The following PID1 variants were observed in gnomAD, a reference collection of about 807,000 sequenced individuals.
PID1 encodes PTB-containing, cubilin and LRP1-interacting protein.
Under a neutral mutation model 19.1 loss-of-function variants are expected in PID1, and 10 were observed. The observed-to-expected ratio is 0.52, with a 90% CI of 0.32 to 0.89. The LOEUF is 0.89. Among genes scored for constraint, PID1 ranks in the 40% least tolerant of loss-of-function variants. PID1 has a pLI of 0.03. For synonymous variants in PID1, 130 were observed against 116.0 expected (o/e 1.12, Z -0.78); for missense variants, 248 against 285.3 (o/e 0.87, Z 0.94).
chr2:229,133,426 A>G (rs1243550357), intron 2 of PID1, among the ~76,000 whole-genome samples: 2 of 152,196 alleles, frequency 1.3e-5, no homozygotes, highest in East Asian at 3.9e-4. Flanking sequence ...CACCTTTACC[A>G]ATTTCTTCCA....
intron 2 of PID1, among the ~76,000 whole-genome samples, chr2:229,148,240 A>T (rs1452652764): frequency 6.6e-6 from 1 of 152,244 alleles, no homozygotes; most frequent in Non-Finnish European, 1.5e-5. Flanking sequence ...ATAGAATTCG[A>T]AGTTGTAAGT....
At chr2:229,100,576 C>T (rs560337455) in intron 2 of PID1, among the ~76,000 whole-genome samples, 13 of 152,284 alleles carry the variant, frequency 8.5e-5, no homozygotes, top group African/African-American at 2.9e-4. Context: ...AAATTTAATA[C>T]ATGTAGACCA....
At chr2:229,260,496 A>G (rs1377990237) in intron 1 of PID1, among the ~76,000 whole-genome samples, 4 of 150,808 alleles carry the variant, frequency 2.7e-5, no homozygotes, top group Non-Finnish European at 5.9e-5. Context: ...ATGTATATAT[A>G]TGTGCATGTG....
At chr2:229,056,130 G>A (rs1232303675) in intron 2 of PID1, among the ~76,000 whole-genome samples, 2 of 152,116 alleles carry the variant, frequency 1.3e-5, no homozygotes, top group Non-Finnish European at 2.9e-5. Flanking sequence ...AAGTCTCAGT[G>A]GCTGGTCTCA....
intron 2 of PID1, among the ~76,000 whole-genome samples, chr2:229,119,227 T>C (rs1313580287): frequency 6.6e-6 from 1 of 152,228 alleles, no homozygotes. Context: ...TTCACATGTA[T>C]TATCTCATTT....
chr2:229,115,990 G>A (rs749854581), intron 2 of PID1, among the ~76,000 whole-genome samples: 5 of 152,104 alleles, frequency 3.3e-5, no homozygotes, highest in Non-Finnish European at 7.3e-5. Flanking sequence ...GGAGGCCGAA[G>A]TGGGCAGATC....
chr2:229,144,167 CAAT>C (rs1428824479), intron 2 of PID1, among the ~76,000 whole-genome samples: 1 of 152,110 alleles, frequency 6.6e-6, no homozygotes, highest in Non-Finnish European at 1.5e-5. Flanking sequence ...AAAAGGCACA[CAAT>C]GTTTACTTCT....
chr2:229,210,968 C>T (rs1029854392), intron 1 of PID1, among the ~76,000 whole-genome samples: 2 of 152,152 alleles, frequency 1.3e-5, no homozygotes, highest in Non-Finnish European at 2.9e-5. Flanking sequence ...TCTGTGGCTG[C>T]AGACAGTCAG....
At chr2:229,245,508 T>C (rs891836651) in intron 1 of PID1, among the ~76,000 whole-genome samples, 4 of 152,132 alleles carry the variant, frequency 2.6e-5, no homozygotes, top group Non-Finnish European at 4.4e-5. Context: ...TTTGTGCACA[T>C]TACATTAAAA....
At chr2:229,173,799 G>A (rs1161791588) in intron 1 of PID1, among the ~76,000 whole-genome samples, 3 of 152,178 alleles carry the variant, frequency 2.0e-5, no homozygotes, top group Non-Finnish European at 4.4e-5. Flanking sequence ...GAAAAGTGCA[G>A]TGGAATTAAC....
chr2:229,117,236 A>C (rs1031231614), intron 2 of PID1, among the ~76,000 whole-genome samples: 5 of 152,152 alleles, frequency 3.3e-5, no homozygotes, highest in Non-Finnish European at 5.9e-5. Context: ...AAAGAAACAA[A>C]CAAAAATGTG....
chr2:229,188,454 T>C (rs992401778), intron 1 of PID1, among the ~76,000 whole-genome samples: 1 of 152,128 alleles, frequency 6.6e-6, no homozygotes, highest in African/African-American at 2.4e-5. Context: ...TTGTGTCTGT[T>C]AGGCCAGGAG....
intron 1 of PID1, among the ~76,000 whole-genome samples, chr2:229,167,516 T>G (rs1300614705): frequency 1.3e-5 from 2 of 152,040 alleles, no homozygotes; most frequent in Non-Finnish European, 2.9e-5. Context: ...CTGTCAAGAA[T>G]AACAGGCCAG....
chr2:229,087,706 A>G (rs1421514340), intron 2 of PID1, among the ~76,000 whole-genome samples: 2 of 152,326 alleles, frequency 1.3e-5, no homozygotes, highest in Admixed American at 6.5e-5. Context: ...AAGCTTTAAG[A>G]TCATTTGATG....
intron 2 of PID1, among the ~76,000 whole-genome samples, chr2:229,148,875 C>T (rs1690191012): frequency 6.6e-6 from 1 of 151,806 alleles, no homozygotes; most frequent in Non-Finnish European, 1.5e-5. Flanking sequence ...CAAAGGTTAG[C>T]TCATATAAAC....
chr2:229,037,289 T>G (rs1441806172), intron 2 of PID1, among the ~76,000 whole-genome samples: 3 of 152,132 alleles, frequency 2.0e-5, no homozygotes, highest in Non-Finnish European at 4.4e-5. Flanking sequence ...AAAAAGCAAA[T>G]TTACCAAGAC....
intron 1 of PID1, among the ~76,000 whole-genome samples, chr2:229,245,647 C>T (rs1455433653): frequency 6.6e-6 from 1 of 152,116 alleles, no homozygotes; most frequent in Admixed American, 6.6e-5. Flanking sequence ...ATAAAAAATA[C>T]TTGAACGTAT....
At chr2:229,257,636 T>C (rs1690338416) in intron 1 of PID1, among the ~76,000 whole-genome samples, 1 of 152,194 alleles carries the variant, frequency 6.6e-6, no homozygotes, top group South Asian at 2.1e-4. Flanking sequence ...ATCGTTTCCT[T>C]ACCTATTTAT....
At chr2:229,122,945 T>G (rs1032308176) in intron 2 of PID1, among the ~76,000 whole-genome samples, 1 of 152,190 alleles carries the variant, frequency 6.6e-6, no homozygotes, top group Non-Finnish European at 1.5e-5. Flanking sequence ...CCAGGCGGCA[T>G]TATGTTTCGG....
Sources: gnomAD v4.1 joint callset for allele counts (sites outside exome capture counted in the v4.1 genomes callset) on GRCh38, gnomAD v4.1.1 for gene constraint, MANE v1.5 for transcripts, NCBI Gene and HGNC (gene_info 2026-07-23, HGNC 2026-07-21) for gene names.